Variants in PTGR1 observed in about 807,000 individuals in gnomAD.
PTGR1 encodes the protein 15-oxoprostaglandin 13-reductase.
In PTGR1, 23 loss-of-function variants were observed where a neutral mutation model predicts 37.7. The observed-to-expected ratio is 0.61, with a 90% confidence interval of 0.44 to 0.86. The LOEUF is 0.86. Among genes scored for constraint, PTGR1 ranks in the 40% least tolerant of loss-of-function variants. The pLI is 0.00. For synonymous variants in PTGR1, 134 were observed against 140.0 expected (o/e 0.96, Z 0.30); for missense variants, 351 against 394.3 (o/e 0.89, Z 0.93).
At chr9:111,599,244 C>T (rs1829869969) in intron 1 of PTGR1, 1 of 152,322 alleles carries the variant, frequency 6.6e-6, no homozygotes, top group African/African-American at 2.4e-5. Flanking sequence ...TGCCCATTCC[C>T]GAATCCCCAC....
At chr9:111,590,364 C>T (rs891742179) in intron 4 of PTGR1, among the ~76,000 whole-genome samples, 4 of 151,914 alleles carry the variant, frequency 2.6e-5, no homozygotes, top group Non-Finnish European at 5.9e-5. Context: ...AACATTCATA[C>T]ATTTTTTTTT....
intron 8 of PTGR1, among the ~76,000 whole-genome samples, chr9:111,571,780 A>T (rs1343963027): frequency 6.6e-6 from 1 of 152,198 alleles, no homozygotes; most frequent in African/African-American, 2.4e-5. Flanking sequence ...TTGGGATTAC[A>T]GGCATAAGCC....
At position 111,591,376 on chromosome 9, in the gene PTGR1, T is replaced by C. The variant is rs533638797; in HGVS notation, c.209+1550A>G. Among the ~76,000 whole-genome samples, 45 of 145,192 alleles carry C rather than the reference T, an allele frequency of 3.1e-4. No homozygotes were observed. In the South Asian group the frequency reaches 7.1e-3, roughly 23 times the overall value. ...CTGGACAATTTTTCTTTTTCTTTTT[T>C]TTTTTTTTTTTTTGAGATGGAGTCT... On this transcript the variant is annotated intron_variant, in intron 4 of 9. Transcript: ENST00000407693.
chr9:111,551,534 A>G (rs940107852), intron 9 of PTGR1, among the ~76,000 whole-genome samples: 1 of 147,154 alleles, frequency 6.8e-6, no homozygotes, highest in Non-Finnish European at 1.5e-5. Flanking sequence ...CAGCCTCCCC[A>G]GTAGCTGAGA....
chr9:111,566,366 G>A (rs1182288476), intron 9 of PTGR1, among the ~76,000 whole-genome samples: 3 of 152,162 alleles, frequency 2.0e-5, no homozygotes, highest in Non-Finnish European at 2.9e-5. Flanking sequence ...CTTAGATTCA[G>A]CTCCCTGGTG....
At chr9:111,582,329 G>A (rs978104254) in intron 6 of PTGR1, among the ~76,000 whole-genome samples, 11 of 152,160 alleles carry the variant, frequency 7.2e-5, no homozygotes, top group East Asian at 3.8e-4. Context: ...TCAAACTTAC[G>A]GGATAAAAGC....
rs1829164154 is a variant in PTGR1 at position 111,578,666 on chromosome 9, A to G, written c.651+130T>C. On this transcript the variant is annotated intron_variant, in intron 7 of 9. Coordinates refer to ENST00000407693, the MANE Select transcript of PTGR1 (RefSeq NM_001146108.2). ...AGCTTTGCTTGCTCACCTGCCCCTCACCTCCTGCTGTGCATCCCAGTTCCT... is the reference window on the plus strand; with the variant it reads ...AGCTTTGCTTGCTCACCTGCCCCTCGCCTCCTGCTGTGCATCCCAGTTCCT... 4 of 750,690 alleles carry G rather than the reference A, an allele frequency of 5.3e-6. No homozygotes were observed. In the Admixed American group the frequency reaches 1.0e-4, roughly 19 times the overall value. 46.5% of individuals were successfully genotyped at this position (750,690 alleles called of 1,614,324 possible).
chr9:111,559,032 T>C (rs1356243040), downstream of PTGR1, among the ~76,000 whole-genome samples: 1 of 152,108 alleles, frequency 6.6e-6, no homozygotes, highest in Non-Finnish European at 1.5e-5. Context: ...TGCCTCCCCA[T>C]GTGGTTAGTC....
chr9:111,588,348 C>A (rs1829505263), intron 4 of PTGR1, among the ~76,000 whole-genome samples: 1 of 151,728 alleles, frequency 6.6e-6, no homozygotes. Flanking sequence ...AGGTGCCCAC[C>A]ACACCAAACC....
intron 6 of PTGR1, among the ~76,000 whole-genome samples, chr9:111,580,410 T>C (rs1178150891): frequency 6.6e-6 from 1 of 152,178 alleles, no homozygotes; most frequent in African/African-American, 2.4e-5. Context: ...TGTCTTATGA[T>C]CCATGTCCAA....
intron 4 of PTGR1, 36 bp from the exon 5 acceptor site, chr9:111,586,201 T>C: frequency 6.3e-7 from 1 of 1,597,470 alleles, no homozygotes; most frequent in Non-Finnish European, 8.6e-7. Context: ...TTAAGGCATG[T>C]GACATGTCTT....
At chr9:111,583,612 A>G in intron 5 of PTGR1, 23 bp from the exon 6 acceptor site, 2 of 1,529,958 alleles carry the variant, frequency 1.3e-6, no homozygotes, top group Non-Finnish European at 1.8e-6. Flanking sequence ...AATTAAGGAT[A>G]TATGAATAGA....
chr9:111,554,090 AT>A (rs1272304502), intron 9 of PTGR1, among the ~76,000 whole-genome samples: 1 of 152,170 alleles, frequency 6.6e-6, no homozygotes, highest in East Asian at 1.9e-4. Flanking sequence ...CACTCTAGAG[AT>A]CTCACACAGG....
At chr9:111,554,048 G>A (rs1001293298) in intron 9 of PTGR1, among the ~76,000 whole-genome samples, 1 of 152,200 alleles carries the variant, frequency 6.6e-6, no homozygotes, top group Non-Finnish European at 1.5e-5. Context: ...GAGAACCACA[G>A]GTTTCAAACT....
chr9:111,594,322 A>G, intron 2 of PTGR1, 55 bp from the exon 3 acceptor site: 2 of 1,475,898 alleles, frequency 1.4e-6, no homozygotes, highest in African/African-American at 1.4e-5. Flanking sequence ...GAGAGGAACA[A>G]TAGACACTGA....
At chr9:111,564,271 T>C in intron 9 of PTGR1, 1 of 777,898 alleles carries the variant, frequency 1.3e-6, no homozygotes, top group South Asian at 3.2e-5. Context: ...AGCTGAAATT[T>C]AAACTTTTAT....
intron 9 of PTGR1, among the ~76,000 whole-genome samples, chr9:111,555,125 C>T (rs1828084394): frequency 6.6e-6 from 1 of 152,140 alleles, no homozygotes; most frequent in African/African-American, 2.4e-5. Flanking sequence ...ATTCAGACTT[C>T]CACTTAGTAT....
chr9:111,573,582 T>G (rs1828925760), intron 8 of PTGR1, among the ~76,000 whole-genome samples: 1 of 151,842 alleles, frequency 6.6e-6, no homozygotes. Context: ...TCTCCTTTTT[T>G]GGGGGGGGAC....
chr9:111,579,002 G>C, intron 6 of PTGR1, 51 bp from the exon 7 acceptor site: 1 of 1,523,008 alleles, frequency 6.6e-7, no homozygotes, highest in Non-Finnish European at 8.8e-7. Context: ...CACAAGCATG[G>C]ACCAACACTA....
Sources: gnomAD v4.1 joint callset for allele counts (sites outside exome capture counted in the v4.1 genomes callset) on GRCh38, gnomAD v4.1.1 for gene constraint, MANE v1.5 for transcripts, NCBI Gene and HGNC (gene_info 2026-07-23, HGNC 2026-07-21) for gene names.